MAPRE1: variants seen among roughly 807,000 people sequenced by gnomAD.
MAPRE1 encodes microtubule-associated protein RP/EB family member 1.
In MAPRE1, 5 loss-of-function variants were observed where a neutral mutation model predicts 32.1. That is an observed-to-expected ratio of 0.16 (90% CI 0.08 to 0.33). The LOEUF (loss-of-function observed/expected upper bound fraction) is 0.33, where lower values mean the gene tolerates loss of function less well. Among genes scored for constraint, MAPRE1 ranks in the 10% least tolerant of loss-of-function variants. MAPRE1 has a pLI of 1.00. For synonymous variants in MAPRE1, 122 were observed against 118.9 expected, an observed-to-expected ratio of 1.03 and a Z score of -0.17; for missense variants, 209 against 327.2, an observed-to-expected ratio of 0.64 and a Z score of 2.79.
chr20:32,843,420 A>G (rs1263001729), intron 5 of MAPRE1: 1 of 152,206 alleles, frequency 6.6e-6, no homozygotes, highest in East Asian at 1.9e-4. Context: ...ATTTACTTTT[A>G]GTTGATTTTA....
chr20:32,822,130 T>G (rs1982719852), intron 1 of MAPRE1, among the ~76,000 whole-genome samples: 1 of 152,174 alleles, frequency 6.6e-6, no homozygotes, highest in Admixed American at 6.5e-5. Flanking sequence ...AAGTTTTAAA[T>G]TATATGATGA....
chr20:32,822,775 T>G (rs1468277588), intron 1 of MAPRE1, among the ~76,000 whole-genome samples: 1 of 152,178 alleles, frequency 6.6e-6, no homozygotes, highest in Non-Finnish European at 1.5e-5. Flanking sequence ...CTCAGCTGTT[T>G]GCATCGAGTG....
chr20:32,834,637 A>G (rs1173964956), intron 3 of MAPRE1, among the ~76,000 whole-genome samples: 1 of 151,140 alleles, frequency 6.6e-6, no homozygotes, highest in Non-Finnish European at 1.5e-5. Flanking sequence ...TTTTTTTTTA[A>G]TTTTAGTTTT....
At position 32,848,771 on chromosome 20, in the gene MAPRE1, A is replaced by G; in HGVS notation, c.*43A>G. ...GCAACATCGGAATTCTTCACTCCAA[A>G]TCATGTGCTTAACTGTAAAATACTC... is the stretch of plus-strand genomic sequence containing the variant. On this transcript the variant is annotated 3_prime_UTR_variant, in exon 7 of 7. Transcript: ENST00000375571. 6.5e-7 allele frequency: 1 copy of G among 1,542,584 alleles called. No homozygotes were observed. Among genetic ancestry groups the G allele is most frequent in the Non-Finnish European group, 8.9e-7 (1 of 1,122,894 alleles).
rs1206875754 is a variant in MAPRE1, at chr20:32,849,100, CAG to C, written c.*376_*377del. The C allele has an allele frequency of 6.1e-6, 1 of 163,472 alleles. No homozygotes were observed. Among genetic ancestry groups the C allele is most frequent in the Admixed American group, 6.3e-5 (1 of 15,826 alleles). The allele number at this position is 163,472 out of a possible 1,614,324, so 10.1% of individuals were successfully genotyped here. A position where few individuals can be genotyped will look rare whatever the true frequency, so the allele number is the denominator to read the frequency against. ...ATTGAATTTTAAGCTAATGTGAAAT[CAG>C]AGAATGTTGTAATAAGTAAATGCCT... On this transcript the variant is annotated 3_prime_UTR_variant, in exon 7 of 7. Coordinates refer to ENST00000375571, the MANE Select transcript of MAPRE1 (RefSeq NM_012325.3).
intron 5 of MAPRE1, among the ~76,000 whole-genome samples, chr20:32,840,890 A>T (rs984485548): frequency 1.3e-5 from 2 of 152,074 alleles, no homozygotes; most frequent in Non-Finnish European, 2.9e-5. Flanking sequence ...ATCTCAGCTC[A>T]CTGCAACCTC....
rs768809491 is a variant in MAPRE1 at position 32,848,700 on chromosome 20, G to C, written c.779G>C (p.Gly260Ala). ...DEGFVIPDEGGPQEEQEEY is the reference protein window; with the variant it reads ...DEGFVIPDEGAPQEEQEEY ...GGCTTTGTGATACCTGATGAAGGGG[G>C]CCCACAGGAGGAGCAAGAAGAGTAT... The change falls in exon 7 of 7, where the codon GGC becomes GCC. Residue 260 changes from glycine (G) to alanine (A), a missense_variant. Coordinates refer to ENST00000375571, the MANE Select transcript of MAPRE1 (RefSeq NM_012325.3). The C allele has an allele frequency of 1.2e-6, 2 of 1,612,836 alleles. No homozygotes were observed. Among genetic ancestry groups the C allele is most frequent in the Middle Eastern group, 1.7e-4 (1 of 6,044 alleles).
At chr20:32,841,125 T>C (rs1214030200) in intron 5 of MAPRE1, among the ~76,000 whole-genome samples, 1 of 152,202 alleles carries the variant, frequency 6.6e-6, no homozygotes, top group Non-Finnish European at 1.5e-5. Flanking sequence ...ACATTTCACT[T>C]TTTCGTTCTT....
intron 2 of MAPRE1, among the ~76,000 whole-genome samples, chr20:32,830,188 A>C (rs953715419): frequency 6.6e-6 from 1 of 152,016 alleles, no homozygotes; most frequent in African/African-American, 2.4e-5. Context: ...TGATGTTCCC[A>C]GGCAAATGGT....
intron 5 of MAPRE1, among the ~76,000 whole-genome samples, chr20:32,846,246 G>A (rs1406635686): frequency 1.3e-5 from 2 of 152,148 alleles, no homozygotes; most frequent in Non-Finnish European, 2.9e-5. Context: ...ACCCCCTCAT[G>A]CAATCAGACC....
chr20:32,837,090 C>G (rs1175949599), intron 4 of MAPRE1, among the ~76,000 whole-genome samples: 1 of 152,318 alleles, frequency 6.6e-6, no homozygotes, highest in Non-Finnish European at 1.5e-5. Flanking sequence ...AATTTTAATA[C>G]TTGCCCCAGA....
intron 1 of MAPRE1, 45 bp from the exon 2 acceptor site, chr20:32,825,880 T>C (rs1396650886): frequency 1.3e-6 from 2 of 1,514,386 alleles, no homozygotes; most frequent in Middle Eastern, 2.2e-4. Flanking sequence ...CTTACTTGCA[T>C]GCCTAATGTA....
rs1300174888 is a variant in MAPRE1 at position 32,849,893 on chromosome 20, T to TG, written c.*1166dup. 6.5e-6 allele frequency: 1 copy of TG among 152,674 alleles called. No individual in the cohort carries two copies. The highest frequency in any genetic ancestry group is 2.4e-5 in the African/African-American group (1 of 41,468). 9.5% of individuals were successfully genotyped at this position (152,674 alleles called of 1,614,324 possible). On this transcript the variant is annotated 3_prime_UTR_variant, in exon 7 of 7. Transcript: ENST00000375571. ...TCTCTTTGGAGATAAAATTCATTAG[T>TG]GTGTTACTAAATGTTAATTTTCTTT... is the stretch of plus-strand genomic sequence containing the variant.
At chr20:32,847,608 C>T (rs1983538226) in intron 6 of MAPRE1, among the ~76,000 whole-genome samples, 1 of 152,146 alleles carries the variant, frequency 6.6e-6, no homozygotes, top group African/African-American at 2.4e-5. Context: ...AGAGCTTGCT[C>T]TGTGCTATGT....
intron 2 of MAPRE1, among the ~76,000 whole-genome samples, chr20:32,832,634 AT>A (rs1983067476): frequency 6.6e-6 from 1 of 151,644 alleles, no homozygotes; most frequent in African/African-American, 2.4e-5. Flanking sequence ...CGCCAAGCTA[AT>A]TTTGGTATTT....
At chr20:32,833,475 A>G (rs1425406188) in intron 2 of MAPRE1, among the ~76,000 whole-genome samples, 8 of 152,204 alleles carry the variant, frequency 5.3e-5, no homozygotes, top group African/African-American at 1.9e-4. Context: ...AAAATTTTGT[A>G]GAAACACTCC....
chr20:32,820,533 A>G (rs73260176), intron 1 of MAPRE1, among the ~76,000 whole-genome samples: 12,935 of 152,136 alleles, frequency 0.085, 1,691 homozygotes, highest in African/African-American at 0.29. Context: ...AAACGGGGAC[A>G]GTAATACTAC....
Position 32,833,659 on chromosome 20 carries a change from G to GGGAAGAA in MAPRE1, c.122-56_122-50dup, listed in dbSNP as rs950534092. The GGGAAGAA allele has an allele frequency of 1.1e-4, 170 of 1,521,788 alleles. No individual in the cohort carries two copies. The African/African-American group carries it at 2.0e-3, about 17-fold the overall frequency. 94.3% of individuals were successfully genotyped at this position (1,521,788 alleles called of 1,614,324 possible). On this transcript the variant is annotated intron_variant, in intron 2 of 6. Coordinates refer to ENST00000375571, the MANE Select transcript of MAPRE1 (RefSeq NM_012325.3). ...AATTGTATTTGGTTTAAGTGGGTCT[G>GGGAAGAA]GGAAGAAGTTCACCCTGCTTCTTTA... is the stretch of plus-strand genomic sequence containing the variant.
At chr20:32,839,660 C>A (rs1983299447) in intron 4 of MAPRE1, 75 bp from the exon 5 acceptor site, 1 of 1,583,732 alleles carries the variant, frequency 6.3e-7, no homozygotes, top group Non-Finnish European at 8.6e-7. Flanking sequence ...ACAGCTTCTC[C>A]ATGTTGTCTT....
Sources: gnomAD v4.1 joint callset for allele counts (sites outside exome capture counted in the v4.1 genomes callset) on GRCh38, gnomAD v4.1.1 for gene constraint, MANE v1.5 for transcripts, NCBI Gene and HGNC (gene_info 2026-07-23, HGNC 2026-07-21) for gene names.